Variants in GUCY1A1 observed in about 807,000 individuals in gnomAD.
GUCY1A1 encodes the protein guanylate cyclase 1 soluble subunit alpha 1, also known as guanylate cyclase soluble subunit alpha-1.
A neutral mutation model predicts 64.5 loss-of-function variants in GUCY1A1; 48 were observed. The observed-to-expected ratio is 0.74, with a 90% CI of 0.59 to 0.95. The LOEUF is 0.95. Ranked by LOEUF, GUCY1A1 falls within the 40% of genes least tolerant of loss-of-function variation. The pLI is 0.00. For missense variants in GUCY1A1, 804 were observed against 825.3 expected, an observed-to-expected ratio of 0.97 and a Z score of 0.32; for synonymous variants, 308 against 303.4, an observed-to-expected ratio of 1.02 and a Z score of -0.16.
chr4:155,668,829 G>A (rs768585839), intron 2 of GUCY1A1, among the ~76,000 whole-genome samples: 8 of 152,150 alleles, frequency 5.3e-5, no homozygotes, highest in Non-Finnish European at 8.8e-5. Context: ...TTGCTTCAGT[G>A]GAAGTTGTCT....
chr4:155,678,548 A>G (rs1486866078), intron 2 of GUCY1A1, among the ~76,000 whole-genome samples: 1 of 152,224 alleles, frequency 6.6e-6, no homozygotes, highest in African/African-American at 2.4e-5. Context: ...CTACAGATGA[A>G]AAAATGGATG....
chr4:155,719,256 A>G (rs1197771757), intron 8 of GUCY1A1, among the ~76,000 whole-genome samples: 4 of 152,168 alleles, frequency 2.6e-5, no homozygotes, highest in Non-Finnish European at 4.4e-5. Context: ...ATACCTTTTT[A>G]TGCATACTAA....
At chr4:155,716,936 T>A (rs1439973170) in intron 7 of GUCY1A1, among the ~76,000 whole-genome samples, 1 of 152,188 alleles carries the variant, frequency 6.6e-6, no homozygotes, top group African/African-American at 2.4e-5. Context: ...ACTGTGTTCA[T>A]AGGACTGTAC....
chr4:155,712,025 C>T (rs1371818464), intron 6 of GUCY1A1, among the ~76,000 whole-genome samples: 1 of 152,224 alleles, frequency 6.6e-6, no homozygotes, highest in Non-Finnish European at 1.5e-5. Context: ...TTTACAACTG[C>T]TTTTATCATG....
intron 5 of GUCY1A1, among the ~76,000 whole-genome samples, chr4:155,708,742 AG>A (rs1732142263): frequency 6.6e-6 from 1 of 152,214 alleles, no homozygotes; most frequent in Non-Finnish European, 1.5e-5. Context: ...CCAAAGTTTC[AG>A]TACATGAACC....
chr4:155,667,581 G>A (rs1162251447), intron 2 of GUCY1A1, 162 bp downstream of exon 2: 1 of 152,192 alleles, frequency 6.6e-6, no homozygotes, highest in Non-Finnish European at 1.5e-5. Context: ...CCCACGCTGG[G>A]GAGGAGCGAG....
chr4:155,709,244 C>T (rs936402157), intron 5 of GUCY1A1, among the ~76,000 whole-genome samples: 13 of 152,124 alleles, frequency 8.5e-5, no homozygotes, highest in Admixed American at 5.9e-4. Flanking sequence ...GGACATCTGC[C>T]ACCAAAGGCT....
chr4:155,697,671 C>T (rs1402168995), intron 3 of GUCY1A1, among the ~76,000 whole-genome samples: 2 of 152,204 alleles, frequency 1.3e-5, no homozygotes, highest in African/African-American at 2.4e-5. Flanking sequence ...TCTGCTCAAG[C>T]CAGTCTTGAC....
intron 2 of GUCY1A1, among the ~76,000 whole-genome samples, chr4:155,672,818 CTT>C (rs1734330501): frequency 6.6e-6 from 1 of 152,134 alleles, no homozygotes; most frequent in African/African-American, 2.4e-5. Context: ...TTAAAGATGA[CTT>C]TAACAATTCC....
intron 2 of GUCY1A1, among the ~76,000 whole-genome samples, chr4:155,695,794 A>G (rs933308273): frequency 1.3e-5 from 2 of 152,178 alleles, no homozygotes; most frequent in African/African-American, 2.4e-5. Flanking sequence ...ATTAGCAAAT[A>G]TGGGTTCTTT....
intron 8 of GUCY1A1, among the ~76,000 whole-genome samples, chr4:155,721,235 G>A (rs1050297126): frequency 1.3e-5 from 2 of 152,088 alleles, no homozygotes; most frequent in African/African-American, 4.8e-5. Flanking sequence ...CTGCACTACA[G>A]CCTGAGTGAC....
intron 5 of GUCY1A1, 32 bp from the exon 6 acceptor site, chr4:155,710,510 G>T: frequency 7.9e-7 from 1 of 1,259,406 alleles, no homozygotes; most frequent in South Asian, 1.4e-5. Context: ...TGGCATATTT[G>T]ATATGGCAGA....
At chr4:155,716,413 A>G (rs1422264415) in intron 7 of GUCY1A1, among the ~76,000 whole-genome samples, 1 of 152,330 alleles carries the variant, frequency 6.6e-6, no homozygotes, top group Admixed American at 6.5e-5. Context: ...AAAATTAACT[A>G]TCTGCTTTTT....
At chr4:155,685,743 T>C (rs534869696) in intron 2 of GUCY1A1, among the ~76,000 whole-genome samples, 1 of 152,224 alleles carries the variant, frequency 6.6e-6, no homozygotes, top group Admixed American at 6.5e-5. Flanking sequence ...TTCATAGCTG[T>C]ATAAGTTTCT....
In GUCY1A1 at chr4:155,730,333, T is replaced by C. The variant is rs1415386175; in HGVS notation, c.*102T>C. On this transcript the variant is annotated 3_prime_UTR_variant, in exon 10 of 10. Coordinates refer to ENST00000506455, the MANE Select transcript of GUCY1A1 (RefSeq NM_001130682.3). ...GATTGTAGATGGCTAACAAGCAGTA[T>C]TAAAATTTCAGGAGCCAAGTCACAA... The C allele has an allele frequency of 1.1e-5, 7 of 659,888 alleles. No individual in the cohort carries two copies. In the East Asian group the frequency reaches 1.9e-4, roughly 18 times the overall value. The allele number at this position is 659,888 out of a possible 1,614,324, so 40.9% of individuals were successfully genotyped here. A position where few individuals can be genotyped will look rare whatever the true frequency, so the allele number is the denominator to read the frequency against.
rs1462573007 is a variant in GUCY1A1 at position 155,711,247 on chromosome 4, C to T, written c.1082C>T (p.Ser361Leu). ...RRWDNSVKKS[S>L]RVMDLKGQMI... ...TGGGACAACTCTGTGAAAAAATCTTCAAGGGTAAGGAAAACATAATACTAT... is the reference window on the plus strand; with the variant it reads ...TGGGACAACTCTGTGAAAAAATCTTTAAGGGTAAGGAAAACATAATACTAT... Residue 361 changes from serine to leucine, a missense_variant, in exon 6 of 10, where the codon TCA (serine) becomes TTA (leucine). Physicochemically the swap from Ser to Leu is moderately radical, Grantham distance 145 (BLOSUM62 -2). Transcript: ENST00000506455. 2.0e-6 allele frequency: 3 copies of T among 1,477,146 alleles called. No individual in the cohort carries two copies. The highest frequency in any genetic ancestry group is 2.8e-6 in the Non-Finnish European group (3 of 1,056,588). 91.5% of individuals were successfully genotyped at this position (1,477,146 alleles called of 1,614,324 possible). A position where few individuals can be genotyped will look rare whatever the true frequency, so the allele number is the denominator to read the frequency against.
At chr4:155,680,798 C>T (rs557124843) in intron 2 of GUCY1A1, among the ~76,000 whole-genome samples, 34 of 152,064 alleles carry the variant, frequency 2.2e-4, no homozygotes, top group African/African-American at 8.2e-4. Flanking sequence ...TCATTTTGAG[C>T]AGGAGGAGGA....
At chr4:155,693,693 C>T (rs1469148568) in intron 2 of GUCY1A1, among the ~76,000 whole-genome samples, 1 of 152,152 alleles carries the variant, frequency 6.6e-6, no homozygotes, top group Non-Finnish European at 1.5e-5. Flanking sequence ...AAAGTAAGCA[C>T]AACTTACTTC....
At position 155,732,722 on chromosome 4, in the gene GUCY1A1, G is replaced by A. The variant is rs762149719; in HGVS notation, c.*2491G>A. On this transcript the variant is annotated 3_prime_UTR_variant, in exon 10 of 10. Coordinates refer to ENST00000506455, the MANE Select transcript of GUCY1A1 (RefSeq NM_001130682.3). Reference sequence around the variant, plus strand: ...TCAGGTTGGGGATTACGGGTACTGAGTTATGTTGCCATTTAACTATTCTAA... The same window carrying A: ...TCAGGTTGGGGATTACGGGTACTGAATTATGTTGCCATTTAACTATTCTAA... Among the ~76,000 whole-genome samples the A allele has an allele frequency of 7.9e-5, 12 of 151,810 alleles. No individual in the cohort carries two copies. The highest frequency in any genetic ancestry group is 2.0e-4 in the Admixed American group (3 of 15,194).
Sources: gnomAD v4.1 joint callset for allele counts (sites outside exome capture counted in the v4.1 genomes callset) on GRCh38, gnomAD v4.1.1 for gene constraint, MANE v1.5 for transcripts, NCBI Gene and HGNC (gene_info 2026-07-23, HGNC 2026-07-21) for gene names.